DSCAM: variants seen among roughly 807,000 people sequenced by gnomAD.
DSCAM encodes the protein cell adhesion molecule DSCAM.
In DSCAM, 47 loss-of-function variants were observed where a neutral mutation model predicts 217.7. The observed-to-expected ratio is 0.22, with a 90% CI of 0.17 to 0.28. The LOEUF (loss-of-function observed/expected upper bound fraction) is 0.28, where lower values mean the gene tolerates loss of function less well. Among genes scored for constraint, DSCAM ranks in the 10% least tolerant of loss-of-function variants. The probability of loss-of-function intolerance (pLI) is 1.00; values close to 1 mark genes in which losing one functional copy is unlikely to be tolerated. For missense variants in DSCAM, 2,080 were observed against 2,618.3 expected, an observed-to-expected ratio of 0.79 and a Z score of 4.49; for synonymous variants, 1,056 against 1,015.3, an observed-to-expected ratio of 1.04 and a Z score of -0.76.
intron 16 of DSCAM, among the ~76,000 whole-genome samples, chr21:40,147,538 A>AT (rs142449894): frequency 0.07 from 10,643 of 152,258 alleles, 472 homozygotes; most frequent in East Asian, 0.22. Context: ...AATAAAGCTT[A>AT]TTTTTTCTTA....
chr21:40,476,413 A>G (rs909729961), intron 3 of DSCAM, among the ~76,000 whole-genome samples: 1 of 152,226 alleles, frequency 6.6e-6, no homozygotes, highest in East Asian at 1.9e-4. Flanking sequence ...ATTAATATGC[A>G]TATATTGCAT....
intron 3 of DSCAM, among the ~76,000 whole-genome samples, chr21:40,508,810 T>A (rs1228098702): frequency 2.5e-4 from 27 of 109,014 alleles, no homozygotes; most frequent in Middle Eastern, 4.9e-3. Flanking sequence ...TTTTTTTTTT[T>A]ACTTTTTTAT....
At chr21:40,582,073 G>T (rs1226588938) in intron 3 of DSCAM, among the ~76,000 whole-genome samples, 2 of 152,106 alleles carry the variant, frequency 1.3e-5, no homozygotes, top group South Asian at 2.1e-4. Flanking sequence ...TGCAGTTTAG[G>T]ATTATGGTCC....
chr21:40,463,720 C>A (rs2075823135), intron 3 of DSCAM, among the ~76,000 whole-genome samples: 7 of 152,218 alleles, frequency 4.6e-5, no homozygotes, highest in Admixed American at 3.9e-4. Context: ...CAGACCCCTG[C>A]TCCTTAGAGG....
At chr21:40,665,968 G>C in intron 3 of DSCAM, among the ~76,000 whole-genome samples, 1 of 58,986 alleles carries the variant, frequency 1.7e-5, no homozygotes, top group East Asian at 1.2e-3. Context: ...TGTGGAATCA[G>C]CTCAGGCTTT....
At chr21:40,806,957 TC>T (rs765677282) in intron 1 of DSCAM, among the ~76,000 whole-genome samples, 1 of 151,818 alleles carries the variant, frequency 6.6e-6, no homozygotes, top group Non-Finnish European at 1.5e-5. Context: ...CCGGGGCCTA[TC>T]GGGGGTGAGG....
At chr21:40,581,020 AAATG>A (rs1470877313) in intron 3 of DSCAM, among the ~76,000 whole-genome samples, 2 of 152,276 alleles carry the variant, frequency 1.3e-5, no homozygotes, top group East Asian at 1.9e-4. Context: ...AAGGAATTGA[AAATG>A]AAAGCTGTGT....
At chr21:40,509,143 T>A (rs553625071) in intron 3 of DSCAM, among the ~76,000 whole-genome samples, 37 of 152,252 alleles carry the variant, frequency 2.4e-4, no homozygotes, top group African/African-American at 8.4e-4. Flanking sequence ...TTCTGCATAT[T>A]TTTGGAAGTT....
intron 16 of DSCAM, among the ~76,000 whole-genome samples, chr21:40,155,389 G>A (rs2090465325): frequency 6.6e-6 from 1 of 152,184 alleles, no homozygotes; most frequent in East Asian, 1.9e-4. Flanking sequence ...CTATTTAGCG[G>A]TGGCTGAGTG....
intron 1 of DSCAM, among the ~76,000 whole-genome samples, chr21:40,720,440 A>G (rs1438699555): frequency 6.6e-6 from 1 of 152,188 alleles, no homozygotes; most frequent in East Asian, 1.9e-4. Context: ...CAAGGCTTCT[A>G]TGAAGTGATT....
chr21:40,540,849 T>C (rs1054165755), intron 3 of DSCAM, among the ~76,000 whole-genome samples: 13 of 152,258 alleles, frequency 8.5e-5, no homozygotes, highest in African/African-American at 3.1e-4. Flanking sequence ...GAAAATATTT[T>C]ATTAAAAGGA....
intron 3 of DSCAM, among the ~76,000 whole-genome samples, chr21:40,540,900 ATTTT>A (rs879593036): frequency 6.7e-6 from 1 of 149,410 alleles, no homozygotes; most frequent in Non-Finnish European, 1.5e-5. Flanking sequence ...TGTTTGGGGT[ATTTT>A]TTTTTTAAAG....
At chr21:40,122,007 C>T (rs1053567774) in intron 20 of DSCAM, among the ~76,000 whole-genome samples, 5 of 151,982 alleles carry the variant, frequency 3.3e-5, no homozygotes, top group African/African-American at 1.2e-4. Flanking sequence ...CATTACTGTC[C>T]CTTTTGAGAG....
At chr21:40,277,696 C>T (rs540736281) in intron 10 of DSCAM, among the ~76,000 whole-genome samples, 167 of 146,726 alleles carry the variant, frequency 1.1e-3, no homozygotes, top group South Asian at 6.3e-3. Context: ...TGCAGTGGCA[C>T]GATTTCGGCT....
Position 40,846,723 on chromosome 21 carries a change from C to A in DSCAM, c.-62G>T, listed in dbSNP as rs1010390851. 34 of 865,542 alleles carry A rather than the reference C, an allele frequency of 3.9e-5. No homozygotes were observed. Among genetic ancestry groups the A allele is most frequent in the Non-Finnish European group, 3.8e-5 (27 of 705,696 alleles). The allele number at this position is 865,542 out of a possible 1,614,324, so 53.6% of individuals were successfully genotyped here. A position where few individuals can be genotyped will look rare whatever the true frequency, so the allele number is the denominator to read the frequency against. On this transcript the variant is annotated 5_prime_UTR_variant, in exon 1 of 33. Transcript: ENST00000400454. ...CCGGCCTCGCCCCCCGCGCTCCGCC[C>A]GGCCCGGCTCCGCTCGCCGCTCGGC...
chr21:40,317,739 G>A (rs986982828), intron 8 of DSCAM, among the ~76,000 whole-genome samples: 1 of 151,964 alleles, frequency 6.6e-6, no homozygotes, highest in Non-Finnish European at 1.5e-5. Flanking sequence ...CACCATGTTG[G>A]CCAGGCTGGT....
intron 3 of DSCAM, among the ~76,000 whole-genome samples, chr21:40,559,915 C>G (rs1446563258): frequency 6.6e-6 from 1 of 151,806 alleles, no homozygotes; most frequent in East Asian, 2.0e-4. Context: ...GCCTCAGCCT[C>G]CCGAGTAGCT....
At chr21:40,504,531 G>T (rs1049422633) in intron 3 of DSCAM, among the ~76,000 whole-genome samples, 1 of 152,234 alleles carries the variant, frequency 6.6e-6, no homozygotes, top group African/African-American at 2.4e-5. Flanking sequence ...GCTTTAACCT[G>T]TCAGCATGGC....
At chr21:40,142,428 G>T in intron 18 of DSCAM, 130 bp downstream of exon 18, 1 of 983,642 alleles carries the variant, frequency 1.0e-6, no homozygotes, top group Non-Finnish European at 1.5e-6. Context: ...TGACAGAAAA[G>T]GGGAAAGTGT....
Sources: gnomAD v4.1 joint callset for allele counts (sites outside exome capture counted in the v4.1 genomes callset) on GRCh38, gnomAD v4.1.1 for gene constraint, MANE v1.5 for transcripts, NCBI Gene and HGNC (gene_info 2026-07-23, HGNC 2026-07-21) for gene names.